Variants in FMN2 observed in about 807,000 individuals in gnomAD.
FMN2 encodes formin 2.
FMN2 carries 51 observed loss-of-function variants against 142.3 expected under a neutral mutation model. The observed-to-expected ratio is 0.36, with a 90% CI of 0.29 to 0.45. The LOEUF (loss-of-function observed/expected upper bound fraction) is 0.45. FMN2 is among the 20% of genes least tolerant of loss of function. FMN2 has a pLI of 1.00. For synonymous variants in FMN2, 882 were observed against 869.8 expected (o/e 1.01, Z -0.25); for missense variants, 1,936 against 2,122.8 (o/e 0.91, Z 1.73).
At chr1:240,315,476 A>G (rs577717024) in intron 8 of FMN2, among the ~76,000 whole-genome samples, 1 of 152,344 alleles carries the variant, frequency 6.6e-6, no homozygotes, top group East Asian at 1.9e-4. Context: ...TAGAACTCCT[A>G]TCATGTTTTT....
At chr1:240,234,480 A>T (rs1345015847) in intron 6 of FMN2, among the ~76,000 whole-genome samples, 2 of 152,226 alleles carry the variant, frequency 1.3e-5, no homozygotes, top group Admixed American at 1.3e-4. Context: ...GTATGTGAAG[A>T]TGCTGATTTG....
chr1:240,323,654 G>A (rs1671057417), intron 8 of FMN2, among the ~76,000 whole-genome samples: 1 of 152,148 alleles, frequency 6.6e-6, no homozygotes, highest in Admixed American at 6.5e-5. Flanking sequence ...CTGTGTCCTT[G>A]TTCTTCCCTT....
At chr1:240,156,696 A>G (rs1374510738) in intron 2 of FMN2, among the ~76,000 whole-genome samples, 1 of 152,164 alleles carries the variant, frequency 6.6e-6, no homozygotes, top group African/African-American at 2.4e-5. Flanking sequence ...TTGTGATGGG[A>G]CGGAATTATG....
intron 16 of FMN2, among the ~76,000 whole-genome samples, chr1:240,459,893 C>T (rs1676391655): frequency 6.6e-6 from 1 of 152,000 alleles, no homozygotes; most frequent in South Asian, 2.1e-4. Context: ...ATGCTTTCAC[C>T]AAGTTAAAGT....
At chr1:240,129,168 C>T (rs1291069435) in intron 2 of FMN2, among the ~76,000 whole-genome samples, 2 of 152,058 alleles carry the variant, frequency 1.3e-5, no homozygotes, top group Non-Finnish European at 2.9e-5. Context: ...GCCACCTAGC[C>T]CAGCCTTGAA....
chr1:240,318,715 A>C (rs2102997236), intron 8 of FMN2, among the ~76,000 whole-genome samples: 1 of 152,328 alleles, frequency 6.6e-6, no homozygotes, highest in African/African-American at 2.4e-5. Flanking sequence ...ACTTCATAGA[A>C]CATGTGTTAG....
chr1:240,428,288 A>C (rs1456304426), intron 15 of FMN2, among the ~76,000 whole-genome samples: 1 of 151,572 alleles, frequency 6.6e-6, no homozygotes, highest in Non-Finnish European at 1.5e-5. Flanking sequence ...AGAGAGTACA[A>C]TGGTAAGATC....
At chr1:240,427,436 A>T (rs1180484141) in intron 15 of FMN2, among the ~76,000 whole-genome samples, 1 of 151,632 alleles carries the variant, frequency 6.6e-6, no homozygotes, top group Admixed American at 6.6e-5. Flanking sequence ...CCATCTCCTG[A>T]CCTTGTGATC....
At chr1:240,439,936 G>A (rs559340442) in intron 16 of FMN2, among the ~76,000 whole-genome samples, 18 of 152,200 alleles carry the variant, frequency 1.2e-4, no homozygotes, top group African/African-American at 4.3e-4. Flanking sequence ...CTAGAAAAGG[G>A]TTTGAAACTT....
chr1:240,172,334 T>C (rs189866466), intron 2 of FMN2, among the ~76,000 whole-genome samples: 22 of 152,306 alleles, frequency 1.4e-4, no homozygotes, highest in Admixed American at 4.6e-4. Flanking sequence ...CAACTACTTA[T>C]AGTCATGCAA....
In FMN2 at chr1:240,092,323, G is replaced by T. The variant is rs768814724; in HGVS notation, c.214G>T (p.Ala72Ser). ...GKKKSKSDSR[A>S]SVFSNLRIRK... is the part of the protein sequence containing the mutation. ...GAAGAAGAGCAAGTCCGACTCCAGA[G>T]CCTCGGTGTTTTCCAACCTGCGGAT... Residue 72 changes from alanine (A) to serine (S), a missense_variant, in exon 1 of 18, where the codon GCC becomes TCC. By Grantham distance (99) the Ala-to-Ser change is moderately conservative. Coordinates refer to ENST00000319653, the MANE Select transcript of FMN2 (RefSeq NM_020066.5). The T allele has an allele frequency of 1.1e-5, 18 of 1,606,960 alleles. No individual in the cohort carries two copies. Among genetic ancestry groups the T allele is most frequent in the Admixed American group, 1.7e-5 (1 of 59,644 alleles).
intron 8 of FMN2, among the ~76,000 whole-genome samples, chr1:240,312,504 C>A (rs564523286): frequency 6.6e-6 from 1 of 152,214 alleles, no homozygotes; most frequent in African/African-American, 2.4e-5. Context: ...TGTTGTTTTT[C>A]CTTAGTATTG....
intron 6 of FMN2, among the ~76,000 whole-genome samples, chr1:240,219,650 A>ATTTTTTTT (rs1558374533): frequency 6.6e-6 from 1 of 151,978 alleles, no homozygotes; most frequent in African/African-American, 2.4e-5. Context: ...AGGTTTTAAA[A>ATTTTTTTT]TTTTTTGTAT....
chr1:240,236,221 T>C (rs1013022728), intron 6 of FMN2, among the ~76,000 whole-genome samples: 1 of 152,164 alleles, frequency 6.6e-6, no homozygotes. Flanking sequence ...AAAGGTGATT[T>C]CCTTTCAGGT....
intron 15 of FMN2, among the ~76,000 whole-genome samples, chr1:240,401,563 C>T (rs1273084817): frequency 6.6e-6 from 1 of 152,184 alleles, no homozygotes; most frequent in African/African-American, 2.4e-5. Context: ...TTACTTTACA[C>T]CCTGTGGCAG....
chr1:240,315,181 A>G (rs1313897076), intron 8 of FMN2, among the ~76,000 whole-genome samples: 1 of 152,204 alleles, frequency 6.6e-6, no homozygotes, highest in Non-Finnish European at 1.5e-5. Flanking sequence ...TGTAGTTTAT[A>G]TATAAGACTT....
intron 6 of FMN2, among the ~76,000 whole-genome samples, chr1:240,228,335 A>AAAAAAAAT (rs1667411985): frequency 1.1e-5 from 1 of 88,542 alleles, no homozygotes; most frequent in Non-Finnish European, 2.2e-5. Flanking sequence ...AAAAAAAAGA[A>AAAAAAAAT]AAAGAAAAAG....
At chr1:240,288,806 C>T (rs1669680931) in intron 7 of FMN2, among the ~76,000 whole-genome samples, 1 of 152,092 alleles carries the variant, frequency 6.6e-6, no homozygotes, top group Admixed American at 6.6e-5. Flanking sequence ...GAAACTGAGT[C>T]AGACTTCCAG....
At chr1:240,342,708 G>C (rs1378840031) in intron 13 of FMN2, among the ~76,000 whole-genome samples, 1 of 152,064 alleles carries the variant, frequency 6.6e-6, no homozygotes, top group Non-Finnish European at 1.5e-5. Context: ...ATGAAATTTA[G>C]ATTAGTAAAG....
Sources: allele counts gnomAD v4.1 joint callset (sites outside exome capture counted in the v4.1 genomes callset), GRCh38; gene constraint gnomAD v4.1.1; transcripts MANE v1.5; gene names NCBI Gene and HGNC (gene_info 2026-07-23, HGNC 2026-07-21).